Variants in IGFBP7 observed in about 807,000 individuals in gnomAD.
IGFBP7 encodes the protein insulin like growth factor binding protein 7.
A neutral mutation model predicts 29.4 loss-of-function variants in IGFBP7; 31 were observed. The ratio of observed to expected loss-of-function variants is 1.05; its 90% CI spans 0.79 to 1.42. The LOEUF (loss-of-function observed/expected upper bound fraction) is 1.42, where lower values mean the gene tolerates loss of function less well. Ranked by LOEUF, IGFBP7 falls within the 40% of genes most tolerant of loss-of-function variation. IGFBP7 has a pLI of 0.00. For missense variants in IGFBP7, 393 were observed against 395.5 expected, an observed-to-expected ratio of 0.99 and a Z score of 0.05; for synonymous variants, 172 against 174.9, an observed-to-expected ratio of 0.98 and a Z score of 0.13.
At chr4:57,084,542 A>G (rs551680552) in intron 1 of IGFBP7, among the ~76,000 whole-genome samples, 32 of 152,182 alleles carry the variant, frequency 2.1e-4, no homozygotes, top group Admixed American at 5.9e-4. Flanking sequence ...CAATCATTCC[A>G]CCTCCTCCAT....
chr4:57,037,949 A>T (rs760620148), intron 2 of IGFBP7, among the ~76,000 whole-genome samples: 14 of 152,224 alleles, frequency 9.2e-5, no homozygotes, highest in Non-Finnish European at 1.6e-4. Flanking sequence ...GAACCCATCC[A>T]CGGACTGCAT....
chr4:57,096,078 T>A (rs535847623), intron 1 of IGFBP7, among the ~76,000 whole-genome samples: 1 of 151,826 alleles, frequency 6.6e-6, no homozygotes. Context: ...AAAGATTGGA[T>A]CATGTGGCTT....
chr4:57,056,093 T>C (rs943663617), intron 1 of IGFBP7, among the ~76,000 whole-genome samples: 5 of 152,078 alleles, frequency 3.3e-5, no homozygotes, highest in African/African-American at 4.8e-5. Flanking sequence ...CGCGCATAAC[T>C]GAGCTCCTCC....
chr4:57,031,624 C>A (rs1389038684), intron 4 of IGFBP7, among the ~76,000 whole-genome samples: 2 of 152,134 alleles, frequency 1.3e-5, no homozygotes, highest in Non-Finnish European at 2.9e-5. Context: ...AGGTTAAAGA[C>A]CTTTCCTTTG....
chr4:57,052,396 T>C (rs1410096136), intron 1 of IGFBP7, among the ~76,000 whole-genome samples: 1 of 152,102 alleles, frequency 6.6e-6, no homozygotes, highest in East Asian at 1.9e-4. Context: ...GAATTTCAGG[T>C]ATCACCTGGG....
At position 57,035,824 on chromosome 4, in the gene IGFBP7, T is replaced by C. The variant is rs1724072065; in HGVS notation, c.586-2513A>G. ...CTAAAAAAGAGAGGTTAATATTCAG[T>C]GCTAGTAAAGATGCAGAGAAATGGC... On this transcript the variant is annotated intron_variant, in intron 2 of 4. Transcript: ENST00000295666. Among the ~76,000 whole-genome samples the C allele has an allele frequency of 2.0e-5, 3 of 152,238 alleles. No individual in the cohort carries two copies. The South Asian group carries it at 6.2e-4, about 31-fold the overall frequency.
chr4:57,070,791 A>G (rs1371863959), intron 1 of IGFBP7, among the ~76,000 whole-genome samples: 1 of 152,260 alleles, frequency 6.6e-6, no homozygotes, highest in Non-Finnish European at 1.5e-5. Context: ...GGTAATGAGC[A>G]TTGGATACAA....
chr4:57,073,132 AC>A (rs1725100043), intron 1 of IGFBP7: 4 of 1,595,586 alleles, frequency 2.5e-6, no homozygotes, highest in Non-Finnish European at 2.6e-6. Flanking sequence ...AGGAGCCCTG[AC>A]CCAGGCTGCC....
chr4:57,048,505 G>C (rs1269003866), intron 1 of IGFBP7, among the ~76,000 whole-genome samples: 1 of 152,196 alleles, frequency 6.6e-6, no homozygotes, highest in East Asian at 1.9e-4. Flanking sequence ...TAAATTTGGA[G>C]TATTATGAGT....
At chr4:57,089,513 TC>T (rs1251546356) in intron 1 of IGFBP7, among the ~76,000 whole-genome samples, 2 of 152,148 alleles carry the variant, frequency 1.3e-5, no homozygotes, top group Admixed American at 6.5e-5. Context: ...TTTCCATTTT[TC>T]CCCCCAGCTA....
intron 1 of IGFBP7, among the ~76,000 whole-genome samples, chr4:57,070,102 C>T (rs922133427): frequency 6.6e-6 from 1 of 152,054 alleles, no homozygotes; most frequent in African/African-American, 2.4e-5. Flanking sequence ...AGACAAAAAA[C>T]ACCGAAATGG....
chr4:57,090,010 G>A (rs1725595557), intron 1 of IGFBP7, among the ~76,000 whole-genome samples: 1 of 151,952 alleles, frequency 6.6e-6, no homozygotes, highest in African/African-American at 2.4e-5. Flanking sequence ...GCACTGCTGA[G>A]TGGTTAAAGC....
chr4:57,049,045 T>G (rs1287861767), intron 1 of IGFBP7, among the ~76,000 whole-genome samples: 1 of 152,228 alleles, frequency 6.6e-6, no homozygotes, highest in Non-Finnish European at 1.5e-5. Context: ...TGTCTGGGTC[T>G]GGAGCTCTCA....
chr4:57,053,613 C>G (rs1724569254), intron 1 of IGFBP7, among the ~76,000 whole-genome samples: 1 of 152,136 alleles, frequency 6.6e-6, no homozygotes, highest in South Asian at 2.1e-4. Context: ...CTAACGTATT[C>G]AGCAGAGCTC....
At chr4:57,071,050 G>A (rs1725040482) in intron 1 of IGFBP7, among the ~76,000 whole-genome samples, 1 of 152,164 alleles carries the variant, frequency 6.6e-6, no homozygotes, top group African/African-American at 2.4e-5. Flanking sequence ...AGTTACTGAA[G>A]TCCCGAGGGT....
At chr4:57,084,082 T>A (rs986046474) in intron 1 of IGFBP7, among the ~76,000 whole-genome samples, 12 of 152,242 alleles carry the variant, frequency 7.9e-5, no homozygotes, top group Non-Finnish European at 1.5e-4. Context: ...ACTCATTTTA[T>A]GTGTTGTTAA....
intron 1 of IGFBP7, among the ~76,000 whole-genome samples, chr4:57,086,058 T>TG (rs374642647): frequency 3.3e-5 from 5 of 152,306 alleles, no homozygotes; most frequent in African/African-American, 1.2e-4. Context: ...AGAGGTTTAA[T>TG]GGACTCACAG....
intron 1 of IGFBP7, among the ~76,000 whole-genome samples, chr4:57,080,479 T>G (rs932444629): frequency 2.0e-5 from 3 of 152,184 alleles, no homozygotes; most frequent in African/African-American, 7.2e-5. Context: ...TCAGAACCTT[T>G]CTTCCAATAC....
chr4:57,053,261 C>T (rs1452831367), intron 1 of IGFBP7, among the ~76,000 whole-genome samples: 2 of 152,162 alleles, frequency 1.3e-5, no homozygotes, highest in Non-Finnish European at 2.9e-5. Context: ...AGGTGATCTG[C>T]CCGCTTCGGG....
Sources: gnomAD v4.1 joint callset for allele counts (sites outside exome capture counted in the v4.1 genomes callset) on GRCh38, gnomAD v4.1.1 for gene constraint, MANE v1.5 for transcripts, NCBI Gene and HGNC (gene_info 2026-07-23, HGNC 2026-07-21) for gene names.